SNTG2: variants seen among roughly 807,000 people sequenced by gnomAD.
The protein encoded by SNTG2 is syntrophin gamma 2, also known as gamma-2-syntrophin.
Under a neutral mutation model 70.9 loss-of-function variants are expected in SNTG2, and 74 were observed. The observed-to-expected ratio is 1.04, with a 90% confidence interval of 0.86 to 1.27. The LOEUF (loss-of-function observed/expected upper bound fraction) is 1.27, where lower values mean the gene tolerates loss of function less well. Ranked by LOEUF, SNTG2 falls within the 50% of genes most tolerant of loss-of-function variation. The pLI, the probability that SNTG2 is intolerant of heterozygous loss-of-function variation, is 0.00. For missense variants in SNTG2, 717 were observed against 690.7 expected, an observed-to-expected ratio of 1.04 and a Z score of -0.43; for synonymous variants, 278 against 273.8, an observed-to-expected ratio of 1.02 and a Z score of -0.15.
chr2:1,018,629 G>C (rs552163129), intron 1 of SNTG2, among the ~76,000 whole-genome samples: 1 of 152,136 alleles, frequency 6.6e-6, no homozygotes, highest in Non-Finnish European at 1.5e-5. Context: ...GAGCTGTTTA[G>C]ACCCAGGGCG....
chr2:1,149,013 T>C (rs4991408), intron 6 of SNTG2, among the ~76,000 whole-genome samples: 142,549 of 152,166 alleles, frequency 0.94, 66,898 homozygotes, highest in Non-Finnish European at 0.97. Flanking sequence ...TGTTGTCAGG[T>C]ACCATGGAGT....
At chr2:1,227,190 C>T (rs1233123632) in intron 9 of SNTG2, among the ~76,000 whole-genome samples, 1 of 152,232 alleles carries the variant, frequency 6.6e-6, no homozygotes, top group Non-Finnish European at 1.5e-5. Flanking sequence ...TTGCCCTTAA[C>T]AACAAAACCA....
chr2:1,287,766 AAG>A (rs1679825813), intron 14 of SNTG2, among the ~76,000 whole-genome samples: 1 of 152,236 alleles, frequency 6.6e-6, no homozygotes, highest in Non-Finnish European at 1.5e-5. Context: ...GCCACCGCTG[AAG>A]AGTCTGCCGT....
chr2:1,198,377 GAC>G (rs1346460660), intron 8 of SNTG2, among the ~76,000 whole-genome samples: 33 of 151,918 alleles, frequency 2.2e-4, no homozygotes, highest in African/African-American at 8.0e-4. Context: ...AAGTCTGTCT[GAC>G]ACACAATGTA....
chr2:1,352,244 T>A (rs1558225938), intron 16 of SNTG2, among the ~76,000 whole-genome samples: 1 of 152,234 alleles, frequency 6.6e-6, no homozygotes, highest in Non-Finnish European at 1.5e-5. Context: ...TCAATCCTCC[T>A]GGCACCTTTA....
chr2:993,319 T>G (rs947079778), intron 1 of SNTG2, among the ~76,000 whole-genome samples: 5 of 150,960 alleles, frequency 3.3e-5, no homozygotes, highest in Admixed American at 6.6e-5. Context: ...CATAATGATT[T>G]CAAGTTCCAT....
In SNTG2 at chr2:1,316,262, C is replaced by A. The variant is rs531814158; in HGVS notation, c.1378-3C>A. 2.7e-6 allele frequency: 4 copies of A among 1,460,326 alleles called. No homozygotes were observed. In the South Asian group the frequency reaches 3.8e-5, roughly 14 times the overall value. The allele number at this position is 1,460,326 out of a possible 1,614,324, so 90.5% of individuals were successfully genotyped here. On this transcript the variant is annotated splice_region_variant and splice_polypyrimidine_tract_variant and intron_variant, in intron 15 of 16. Coordinates refer to ENST00000308624, the MANE Select transcript of SNTG2 (RefSeq NM_018968.4). ...ATCGCTAATTAATTTTATTCCTTTA[C>A]AGAATGTGCTCTGGAGATTTAAATT...
chr2:1,073,099 A>G (rs1024501011), intron 1 of SNTG2, among the ~76,000 whole-genome samples: 2 of 152,242 alleles, frequency 1.3e-5, no homozygotes, highest in Non-Finnish European at 2.9e-5. Context: ...TGCTGTGAAC[A>G]TTGCTGAAAT....
chr2:1,058,020 C>CT (rs1250309963), intron 1 of SNTG2, among the ~76,000 whole-genome samples: 3 of 151,964 alleles, frequency 2.0e-5, no homozygotes, highest in Non-Finnish European at 4.4e-5. Flanking sequence ...GAGGGAGACA[C>CT]TATCTCAAAA....
At chr2:1,274,487 T>C (rs1679189914) in intron 14 of SNTG2, among the ~76,000 whole-genome samples, 1 of 152,190 alleles carries the variant, frequency 6.6e-6, no homozygotes. Flanking sequence ...TCCAGAGCAA[T>C]AGTTTAATTT....
intron 9 of SNTG2, among the ~76,000 whole-genome samples, chr2:1,222,682 AT>A (rs1675398232): frequency 1.3e-4 from 1 of 7,570 alleles, no homozygotes; most frequent in African/African-American, 8.1e-4. Context: ...GAGGTGCTGG[AT>A]CGCTGTAGAG....
chr2:1,205,851 A>G (rs952537154), intron 8 of SNTG2, among the ~76,000 whole-genome samples: 16 of 152,182 alleles, frequency 1.1e-4, no homozygotes, highest in African/African-American at 3.9e-4. Flanking sequence ...CTCATAGTAA[A>G]TGCCGTGTGA....
chr2:1,333,293 A>G (rs1303410794), intron 16 of SNTG2, among the ~76,000 whole-genome samples: 1 of 152,234 alleles, frequency 6.6e-6, no homozygotes, highest in Non-Finnish European at 1.5e-5. Flanking sequence ...GCTGAAAGAA[A>G]TCATAGCTGA....
chr2:1,076,829 CAAT>C (rs1438828285), intron 1 of SNTG2, among the ~76,000 whole-genome samples: 2 of 151,816 alleles, frequency 1.3e-5, no homozygotes, highest in African/African-American at 2.4e-5. Context: ...TTTAAATAAT[CAAT>C]AATAAATAAT....
chr2:1,079,854 A>G (rs4971428), intron 1 of SNTG2, among the ~76,000 whole-genome samples: 122,486 of 152,152 alleles, frequency 0.81, 49,418 homozygotes, highest in Admixed American at 0.88. Flanking sequence ...GATCAATATC[A>G]CATCTTTTTG....
intron 8 of SNTG2, among the ~76,000 whole-genome samples, chr2:1,183,351 C>T (rs200094424): frequency 7.3e-6 from 1 of 137,312 alleles, no homozygotes; most frequent in Non-Finnish European, 1.6e-5. Flanking sequence ...GTATCCATTT[C>T]TTCTGGGTGT....
chr2:1,014,368 CAG>C (rs1659810320), intron 1 of SNTG2, among the ~76,000 whole-genome samples: 1 of 92,864 alleles, frequency 1.1e-5, no homozygotes, highest in South Asian at 3.4e-4. Flanking sequence ...TTTATAAGGA[CAG>C]AGAGAAGGGT....
At chr2:1,031,528 A>ATTTTTT (rs745388505) in intron 1 of SNTG2, among the ~76,000 whole-genome samples, 57 of 59,076 alleles carry the variant, frequency 9.6e-4, no homozygotes, top group Non-Finnish European at 1.3e-3. Flanking sequence ...ATATATATAT[A>ATTTTTT]TTTTTTTTTT....
intron 8 of SNTG2, among the ~76,000 whole-genome samples, chr2:1,182,736 AT>A (rs1435199828): frequency 1.3e-5 from 2 of 151,770 alleles, no homozygotes; most frequent in Non-Finnish European, 2.9e-5. Flanking sequence ...CCCCCCAAAA[AT>A]AATCAGTTTT....
Sources: allele counts gnomAD v4.1 joint callset (sites outside exome capture counted in the v4.1 genomes callset), GRCh38; gene constraint gnomAD v4.1.1; transcripts MANE v1.5; gene names NCBI Gene and HGNC (gene_info 2026-07-23, HGNC 2026-07-21).